Variants in IQCB1 observed in about 807,000 individuals in gnomAD.
IQCB1 encodes the protein IQ motif containing B1, also known as IQ calmodulin-binding motif-containing protein 1.
A neutral mutation model predicts 84.4 loss-of-function variants in IQCB1; 56 were observed. That is an observed-to-expected ratio of 0.66 (90% CI 0.54 to 0.83). The LOEUF (loss-of-function observed/expected upper bound fraction) is 0.83. Ranked by LOEUF, IQCB1 falls within the 40% of genes least tolerant of loss-of-function variation. The pLI, the probability that IQCB1 is intolerant of heterozygous loss-of-function variation, is 0.00. For missense variants in IQCB1, 629 were observed against 682.1 expected (o/e 0.92, Z 0.87); for synonymous variants, 210 against 234.8 (o/e 0.89, Z 0.96).
Position 121,828,565 on chromosome 3 carries a change from A to C in IQCB1, c.168T>G (p.Tyr56Ter). Reference protein sequence around the residue: ...LKKIKQDIYCYDLIQYCLLVL... With the variant: ...LKKIKQDIYC ...CCAAGAGGCAATATTGAATGAGATC[A>C]TAACAATATATATCTTGTTTGATTT... is the stretch of plus-strand genomic sequence containing the variant. The change falls in exon 4 of 15, where the codon TAT (tyrosine) becomes TAG (stop). Residue 56 changes from tyrosine to a stop codon, truncating the protein, a stop_gained. Coordinates refer to ENST00000310864, the MANE Select transcript of IQCB1 (RefSeq NM_001023570.4). LOFTEE classifies it high-confidence loss of function. The C allele has an allele frequency of 6.2e-7, 1 of 1,600,096 alleles. No individual in the cohort carries two copies. The highest frequency in any genetic ancestry group is 8.6e-7 in the Non-Finnish European group (1 of 1,167,308).
chr3:121,819,180 T>C (rs1280192030), intron 5 of IQCB1, among the ~76,000 whole-genome samples: 2 of 152,180 alleles, frequency 1.3e-5, no homozygotes, highest in Non-Finnish European at 2.9e-5. Context: ...CACCATAATG[T>C]AGAATCAGTA....
At chr3:121,788,571 T>C (rs1001017845) in intron 11 of IQCB1, 139 bp from the exon 12 acceptor site, 23 of 830,880 alleles carry the variant, frequency 2.8e-5, no homozygotes, top group Admixed American at 8.3e-5. Context: ...AATTCTACTA[T>C]TTTACCATGG....
chr3:121,780,160 A>ACT (rs1948412366), intron 13 of IQCB1, among the ~76,000 whole-genome samples: 1 of 151,718 alleles, frequency 6.6e-6, no homozygotes, highest in Non-Finnish European at 1.5e-5. Flanking sequence ...GTGTCACCTG[A>ACT]CTCTCAGTGC....
intron 14 of IQCB1, among the ~76,000 whole-genome samples, 182 bp downstream of exon 14, chr3:121,772,375 G>A (rs916735376): frequency 2.0e-5 from 3 of 152,144 alleles, no homozygotes. Flanking sequence ...CAGGTAAGAA[G>A]GTGGTTATAA....
In IQCB1 at chr3:121,799,204, C is replaced by A. The variant is rs150654358; in HGVS notation, c.758G>T (p.Cys253Phe). The change falls in exon 8 of 15, where the codon TGC becomes TTC. Residue 253 changes from cysteine to phenylalanine, a missense_variant. Coordinates refer to ENST00000310864, the MANE Select transcript of IQCB1 (RefSeq NM_001023570.4). ...EILILLRQST[C>F]YKGLRRLLSK... The stretch of plus-strand genomic sequence containing the variant: ...AAGAATGAATGTACTACCTTTGTAG[C>A]AGGTACTTTGTCTCAGTAAAATCAA... 3.7e-6 allele frequency: 6 copies of A among 1,605,574 alleles called. No individual in the cohort carries two copies. Among genetic ancestry groups the A allele is most frequent in the Non-Finnish European group, 5.1e-6 (6 of 1,174,380 alleles).
chr3:121,828,901 G>T lies in IQCB1; in HGVS notation c.60C>A (p.Ser20Arg). The change falls in exon 3 of 15, where the codon AGC (serine) becomes AGA (arginine). Residue 20 changes from serine to arginine, a missense_variant. Ser to Arg is a moderately radical substitution (Grantham distance 110). Coordinates refer to ENST00000310864, the MANE Select transcript of IQCB1 (RefSeq NM_001023570.4). ...ILSIAAEVAK[S>R]PEQNVPVILL... ...GTATAACAGGGACATTCTGCTCAGGGCTTTTTGCAACTTCAGCAGCTATAG... is the reference window on the plus strand; with the variant it reads ...GTATAACAGGGACATTCTGCTCAGGTCTTTTTGCAACTTCAGCAGCTATAG... 2 of 1,611,080 alleles carry T rather than the reference G, an allele frequency of 1.2e-6. No homozygotes were observed. The highest frequency in any genetic ancestry group is 1.7e-6 in the Non-Finnish European group (2 of 1,178,308).
intron 5 of IQCB1, 150 bp downstream of exon 5, chr3:121,825,901 A>C: frequency 1.3e-6 from 1 of 767,424 alleles, no homozygotes; most frequent in Non-Finnish European, 2.1e-6. Flanking sequence ...TCAAACATAG[A>C]GATGATTTTT....
Position 121,788,425 on chromosome 3 carries a change from C to T in IQCB1, c.1137G>A (p.Val379=), listed in dbSNP as rs1948823692. ...SMLEIVHPGQ[V]EKHYREMEEK... ...CTTCCATTTCCCGATAGTGTTTCTC[C>T]ACCTGACCTAAAAAGATGATAGACA... Residue 379 remains valine, a synonymous_variant, in exon 12 of 15, where the codon GTG becomes GTA. Transcript: ENST00000310864. 6.2e-7 allele frequency: 1 copy of T among 1,613,268 alleles called. No homozygotes were observed. The highest frequency in any genetic ancestry group is 1.7e-5 in the Admixed American group (1 of 60,004).
chr3:121,804,434 G>C (rs192956793), intron 7 of IQCB1, among the ~76,000 whole-genome samples: 301 of 152,130 alleles, frequency 2.0e-3, no homozygotes, highest in Admixed American at 6.2e-3. Context: ...ATTTTTTGTA[G>C]TGTTGGTCTG....
chr3:121,780,628 C>A (rs886104679), intron 13 of IQCB1, among the ~76,000 whole-genome samples: 7 of 152,162 alleles, frequency 4.6e-5, no homozygotes, highest in Admixed American at 2.0e-4. Context: ...CAGGTTTTAC[C>A]ATTGCTGTGT....
In IQCB1 at chr3:121,781,666, A is replaced by G; in HGVS notation, c.1410+77T>C. 6.3e-6 allele frequency: 7 copies of G among 1,115,878 alleles called. No homozygotes were observed. In the East Asian group the frequency reaches 7.3e-5, roughly 12 times the overall value. 69.1% of individuals were successfully genotyped at this position (1,115,878 alleles called of 1,614,324 possible). On this transcript the variant is annotated intron_variant, in intron 13 of 14. Transcript: ENST00000310864. ...ACACACACACACACACACACACAAT[A>G]TATGTGTGTGTGTGTACAGTTATCA...
chr3:121,815,305 C>T (rs937449339), intron 5 of IQCB1, among the ~76,000 whole-genome samples: 2 of 152,166 alleles, frequency 1.3e-5, no homozygotes, highest in Non-Finnish European at 2.9e-5. Context: ...GCCAACATCA[C>T]ACTGAATGGG....
chr3:121,815,967 C>T (rs1417582863), intron 5 of IQCB1, among the ~76,000 whole-genome samples: 1 of 135,288 alleles, frequency 7.4e-6, no homozygotes, highest in African/African-American at 2.7e-5. Context: ...ATAGCCAAGA[C>T]AATCCTAAGC....
chr3:121,773,061 G>A (rs1213474293), intron 13 of IQCB1, among the ~76,000 whole-genome samples: 3 of 151,468 alleles, frequency 2.0e-5, no homozygotes, highest in Admixed American at 6.6e-5. Context: ...GGTGGCTCAC[G>A]CCTGTAATCC....
rs747879197 is a variant in IQCB1, at chr3:121,770,322, G to A, written c.*23C>T. On this transcript the variant is annotated 3_prime_UTR_variant, in exon 15 of 15. Coordinates refer to ENST00000310864, the MANE Select transcript of IQCB1 (RefSeq NM_001023570.4). ...TATAATCTCCTAAAATATGAGATTT[G>A]TGTCAATTCTTAGGGTTACTCACTA... The A allele has an allele frequency of 2.7e-6, 4 of 1,459,394 alleles. No homozygotes were observed. The highest frequency in any genetic ancestry group is 3.8e-6 in the Non-Finnish European group (4 of 1,039,960). The allele number at this position is 1,459,394 out of a possible 1,614,324, so 90.4% of individuals were successfully genotyped here.
At chr3:121,827,329 T>G (rs774402043) in intron 4 of IQCB1, among the ~76,000 whole-genome samples, 5 of 152,136 alleles carry the variant, frequency 3.3e-5, no homozygotes, top group Non-Finnish European at 5.9e-5. Flanking sequence ...TGTTGTTGTT[T>G]ATTTGCACCT....
chr3:121,811,131 G>T (rs1382601477), intron 5 of IQCB1, among the ~76,000 whole-genome samples: 1 of 152,150 alleles, frequency 6.6e-6, no homozygotes, highest in East Asian at 1.9e-4. Flanking sequence ...GCAGCCCACA[G>T]ATGGCAAGCA....
At chr3:121,820,443 T>C (rs879014944) in intron 5 of IQCB1, among the ~76,000 whole-genome samples, 1 of 152,158 alleles carries the variant, frequency 6.6e-6, no homozygotes, top group Admixed American at 6.5e-5. Context: ...CCTTCAGATA[T>C]TATCTCTACA....
intron 5 of IQCB1, among the ~76,000 whole-genome samples, chr3:121,815,430 G>C (rs1576599827): frequency 6.6e-6 from 1 of 151,532 alleles, no homozygotes; most frequent in Non-Finnish European, 1.5e-5. Flanking sequence ...GCAGGAGAAA[G>C]AAAGTGTATT....
Sources: allele counts gnomAD v4.1 joint callset (sites outside exome capture counted in the v4.1 genomes callset), GRCh38; gene constraint gnomAD v4.1.1; transcripts MANE v1.5; gene names NCBI Gene and HGNC (gene_info 2026-07-23, HGNC 2026-07-21).